The following ADAMTS19 variants were observed in gnomAD, a reference collection of about 807,000 sequenced individuals.
ADAMTS19 encodes the protein ADAM metallopeptidase with thrombospondin type 1 motif 19, also known as A disintegrin and metalloproteinase with thrombospondin motifs 19.
Under a neutral mutation model 153.3 loss-of-function variants are expected in ADAMTS19, and 93 were observed. That is an observed-to-expected ratio of 0.61 (90% CI 0.51 to 0.72). The LOEUF (loss-of-function observed/expected upper bound fraction) is 0.72. Among genes scored for constraint, ADAMTS19 ranks in the 30% least tolerant of loss-of-function variants. The pLI, the probability that ADAMTS19 is intolerant of heterozygous loss-of-function variation, is 0.00. For synonymous variants in ADAMTS19, 600 were observed against 556.6 expected, an observed-to-expected ratio of 1.08 and a Z score of -1.10; for missense variants, 1,482 against 1,552.1, an observed-to-expected ratio of 0.95 and a Z score of 0.76.
At chr5:129,527,972 C>T (rs1469785351) in intron 5 of ADAMTS19, 141 bp downstream of exon 5, 6 of 493,244 alleles carry the variant, frequency 1.2e-5, no homozygotes, top group Non-Finnish European at 2.2e-5. Context: ...TAAAACTGGC[C>T]TTTAGTTTTG....
At chr5:129,727,937 T>C (rs1246470137) in intron 21 of ADAMTS19, among the ~76,000 whole-genome samples, 1 of 152,076 alleles carries the variant, frequency 6.6e-6, no homozygotes, top group African/African-American at 2.4e-5. Flanking sequence ...TAAGGCATTA[T>C]AAGTCACAGG....
chr5:129,660,340 T>C (rs1753768002), intron 15 of ADAMTS19, among the ~76,000 whole-genome samples: 1 of 152,186 alleles, frequency 6.6e-6, no homozygotes, highest in South Asian at 2.1e-4. Context: ...CTAAGAAATT[T>C]AATTATAATA....
chr5:129,700,636 G>A (rs764410381), intron 19 of ADAMTS19, among the ~76,000 whole-genome samples: 7 of 152,054 alleles, frequency 4.6e-5, no homozygotes, highest in Admixed American at 1.3e-4. Flanking sequence ...ATCTGGCCAC[G>A]ATATTTGTGA....
chr5:129,576,447 G>C, intron 7 of ADAMTS19, among the ~76,000 whole-genome samples: 1 of 151,986 alleles, frequency 6.6e-6, no homozygotes, highest in East Asian at 1.9e-4. Flanking sequence ...TACTAAATTA[G>C]GCAAAGAAAA....
At chr5:129,599,930 G>T (rs1160788598) in intron 8 of ADAMTS19, among the ~76,000 whole-genome samples, 1 of 152,058 alleles carries the variant, frequency 6.6e-6, no homozygotes, top group Non-Finnish European at 1.5e-5. Context: ...AGCAATATTT[G>T]TCTCAAAAGT....
At chr5:129,669,335 T>A (rs1292777553) in intron 16 of ADAMTS19, among the ~76,000 whole-genome samples, 1 of 152,060 alleles carries the variant, frequency 6.6e-6, no homozygotes, top group African/African-American at 2.4e-5. Context: ...CATGATTCAG[T>A]TTTGGTAGGT....
chr5:129,569,056 C>G (rs1041390045), intron 7 of ADAMTS19, among the ~76,000 whole-genome samples: 2 of 151,950 alleles, frequency 1.3e-5, no homozygotes, highest in African/African-American at 4.8e-5. Flanking sequence ...AAGACCCCAT[C>G]TTTGCTATCT....
intron 8 of ADAMTS19, among the ~76,000 whole-genome samples, chr5:129,606,757 T>C (rs7707034): frequency 0.51 from 77,760 of 152,072 alleles, 23,003 homozygotes; most frequent in Non-Finnish European, 0.66. Context: ...TCAAACATCA[T>C]GCCTTTATTC....
chr5:129,566,608 CA>C (rs747753983), intron 7 of ADAMTS19, among the ~76,000 whole-genome samples: 3 of 152,150 alleles, frequency 2.0e-5, no homozygotes, highest in Non-Finnish European at 4.4e-5. Context: ...TGTAAGTTGT[CA>C]TTAGGGCCTG....
chr5:129,588,811 T>C (rs539963597), intron 7 of ADAMTS19, among the ~76,000 whole-genome samples: 99 of 151,950 alleles, frequency 6.5e-4, no homozygotes, highest in African/African-American at 2.3e-3. Context: ...ATATGGGAAT[T>C]TTATTAAACC....
At chr5:129,702,929 C>CAAAA (rs376208133) in intron 20 of ADAMTS19, among the ~76,000 whole-genome samples, 132 of 44,006 alleles carry the variant, frequency 3.0e-3, no homozygotes, top group Non-Finnish European at 3.8e-3. Context: ...TTTGACTTGC[C>CAAAA]AAAAAAAAAA....
chr5:129,666,097 T>A (rs1754043512), intron 16 of ADAMTS19, among the ~76,000 whole-genome samples: 1 of 151,632 alleles, frequency 6.6e-6, no homozygotes. Context: ...TCTTGCCTCA[T>A]TTTAGGAAAT....
chr5:129,589,294 CT>C (rs1270868838), intron 7 of ADAMTS19, among the ~76,000 whole-genome samples: 1 of 151,112 alleles, frequency 6.6e-6, no homozygotes, highest in Non-Finnish European at 1.5e-5. Flanking sequence ...GGTCAGCTTC[CT>C]TTTTTTTGTA....
At chr5:129,621,252 G>A (rs577635623) in intron 9 of ADAMTS19, among the ~76,000 whole-genome samples, 92 of 152,112 alleles carry the variant, frequency 6.0e-4, no homozygotes, top group Non-Finnish European at 1.0e-3. Flanking sequence ...TGTCTTGTTC[G>A]AAAAGTAAAT....
intron 16 of ADAMTS19, among the ~76,000 whole-genome samples, chr5:129,675,010 A>G (rs1754492257): frequency 6.6e-6 from 1 of 152,150 alleles, no homozygotes; most frequent in Non-Finnish European, 1.5e-5. Context: ...GGATATTTTC[A>G]CTGGATATAG....
chr5:129,623,196 A>G (rs1251950021), intron 10 of ADAMTS19, among the ~76,000 whole-genome samples: 1 of 152,212 alleles, frequency 6.6e-6, no homozygotes, highest in African/African-American at 2.4e-5. Flanking sequence ...GTGTTTATGT[A>G]TTAATATTCC....
At chr5:129,702,959 T>A (rs1044972552) in intron 20 of ADAMTS19, among the ~76,000 whole-genome samples, 27 of 131,344 alleles carry the variant, frequency 2.1e-4, no homozygotes, top group African/African-American at 8.1e-4. Context: ...TATATATATA[T>A]ATATATATAT....
chr5:129,648,371 A>T (rs1397937342), intron 12 of ADAMTS19, among the ~76,000 whole-genome samples: 1 of 152,218 alleles, frequency 6.6e-6, no homozygotes. Context: ...AGTATGAGAA[A>T]GTCATTCCAG....
chr5:129,683,244 G>A (rs1435680693), intron 17 of ADAMTS19, among the ~76,000 whole-genome samples: 2 of 119,326 alleles, frequency 1.7e-5, no homozygotes, highest in African/African-American at 6.2e-5. Flanking sequence ...ATGTGGGGGA[G>A]GGGGGTGGGT....
Sources: allele counts gnomAD v4.1 joint callset (sites outside exome capture counted in the v4.1 genomes callset), GRCh38; gene constraint gnomAD v4.1.1; transcripts MANE v1.5; gene names NCBI Gene and HGNC (gene_info 2026-07-23, HGNC 2026-07-21).